Variants in RNMT observed in about 807,000 individuals in gnomAD.
RNMT encodes the protein RNA guanine-7 methyltransferase, also known as mRNA cap guanine-N(7) methyltransferase.
A neutral mutation model predicts 56.0 loss-of-function variants in RNMT; 27 were observed. That is an observed-to-expected ratio of 0.48 (90% CI 0.36 to 0.67). RNMT has a LOEUF of 0.67. RNMT is among the 30% of genes least tolerant of loss of function. The probability of loss-of-function intolerance (pLI) is 0.00; values close to 1 mark genes in which losing one functional copy is unlikely to be tolerated. For synonymous variants in RNMT, 184 were observed against 176.2 expected (o/e 1.04, Z -0.35); for missense variants, 519 against 552.1 (o/e 0.94, Z 0.60).
At chr18:13,759,881 CAG>C in intron 11 of RNMT, 59 bp from the exon 12 acceptor site, 2 of 1,435,478 alleles carry the variant, frequency 1.4e-6, no homozygotes, top group African/African-American at 1.4e-5. Flanking sequence ...ATGAACAAGA[CAG>C]ATTGTTTTAT....
Position 13,731,638 on chromosome 18 carries a change from A to C in RNMT, c.121A>C (p.Thr41Pro). The part of the protein sequence containing the change: ...NINENTTASG[T>P]GLSEKTSVCR... ...TAATGAAAACACAACAGCTTCTGGGACTGGGCTTTCTGAAAAGACTTCTGT... is the reference window on the plus strand; with the variant it reads ...TAATGAAAACACAACAGCTTCTGGGCCTGGGCTTTCTGAAAAGACTTCTGT... Residue 41 changes from threonine to proline, a missense_variant, in exon 3 of 12, where the codon ACT becomes CCT. Physicochemically the swap from Thr to Pro is conservative, Grantham distance 38. Transcript: ENST00000383314. The C allele has an allele frequency of 6.2e-7, 1 of 1,614,156 alleles. No homozygotes were observed. Among genetic ancestry groups the C allele is most frequent in the Non-Finnish European group, 8.5e-7 (1 of 1,180,014 alleles).
chr18:13,738,294 A>G (rs2044198050), intron 5 of RNMT, among the ~76,000 whole-genome samples: 1 of 152,194 alleles, frequency 6.6e-6, no homozygotes, highest in South Asian at 2.1e-4. Context: ...TTAGTTCATT[A>G]AAAGTAACAA....
intron 9 of RNMT, among the ~76,000 whole-genome samples, chr18:13,747,856 CTA>C (rs967179174): frequency 1.3e-4 from 20 of 152,252 alleles, no homozygotes; most frequent in African/African-American, 3.1e-4. Context: ...ACTAGCAAAA[CTA>C]TGTGTGGATA....
rs1598432142 is a variant in RNMT at position 13,760,044 on chromosome 18, G to T, written c.*65G>T. 1 of 1,571,492 alleles carries T rather than the reference G, an allele frequency of 6.4e-7. No homozygotes were observed. Among genetic ancestry groups the T allele is most frequent in the Non-Finnish European group, 8.6e-7 (1 of 1,157,444 alleles). Reference sequence around the variant, plus strand: ...TGCACAAATTTGAACAACTCATCTCGATATATTTGATATTTCTCTGTCTGT... The same window carrying T: ...TGCACAAATTTGAACAACTCATCTCTATATATTTGATATTTCTCTGTCTGT... On this transcript the variant is annotated 3_prime_UTR_variant, in exon 12 of 12. Transcript: ENST00000383314.
At position 13,762,028 on chromosome 18, in the gene RNMT, A is replaced by G. The variant is rs762398526; in HGVS notation, c.*2049A>G. ...ACACCTTGTCGTCTAAATGTTCGGT[A>G]TTCTATTCAGGACTTACGGTAACTA... On this transcript the variant is annotated 3_prime_UTR_variant, in exon 12 of 12. Transcript: ENST00000383314. The G allele has an allele frequency of 5.3e-5, 82 of 1,535,920 alleles. No individual in the cohort carries two copies. Among genetic ancestry groups the G allele is most frequent in the Non-Finnish European group, 6.8e-5 (78 of 1,146,844 alleles).
chr18:13,753,981 T>TTG, intron 10 of RNMT, 133 bp from the exon 11 acceptor site: 1 of 591,560 alleles, frequency 1.7e-6, no homozygotes, highest in Non-Finnish European at 3.0e-6. Context: ...CACAATATGA[T>TTG]TAACAGTGAA....
At chr18:13,736,696 A>T (rs557214794) in intron 4 of RNMT, among the ~76,000 whole-genome samples, 6 of 152,130 alleles carry the variant, frequency 3.9e-5, no homozygotes, top group Non-Finnish European at 8.8e-5. Flanking sequence ...CTCATCCTGA[A>T]CAAGTGTTGT....
chr18:13,732,085 T>C, intron 3 of RNMT, 151 bp downstream of exon 3: 1 of 549,838 alleles, frequency 1.8e-6, no homozygotes, highest in Non-Finnish European at 3.0e-6. Flanking sequence ...CTTTTAACTC[T>C]TATGATTTCT....
At chr18:13,737,293 A>G (rs1223704268) in intron 5 of RNMT, among the ~76,000 whole-genome samples, 158 bp downstream of exon 5, 4 of 152,122 alleles carry the variant, frequency 2.6e-5, no homozygotes, top group African/African-American at 9.7e-5. Context: ...CTGTAATCCA[A>G]CATTTTGGAA....
At chr18:13,748,822 G>A (rs949770593) in intron 9 of RNMT, among the ~76,000 whole-genome samples, 1 of 152,190 alleles carries the variant, frequency 6.6e-6, no homozygotes, top group African/African-American at 2.4e-5. Context: ...GCTCATGCCT[G>A]TAACCCCAGC....
rs951654365 is a variant in RNMT at position 13,762,360 on chromosome 18, C to T, written c.*2381C>T. The T allele has an allele frequency of 8.6e-6, 5 of 584,046 alleles. No individual in the cohort carries two copies. The highest frequency in any genetic ancestry group is 1.5e-5 in the Non-Finnish European group (5 of 336,210). The allele number at this position is 584,046 out of a possible 1,614,324, so 36.2% of individuals were successfully genotyped here. A position where few individuals can be genotyped will look rare whatever the true frequency, so the allele number is the denominator to read the frequency against. Reference sequence around the variant, plus strand: ...AGGAGCTGGCAGTTTTTAACCACTTCTGTGGGAGCCGTGTTCTAACCTGTG... The same window carrying T: ...AGGAGCTGGCAGTTTTTAACCACTTTTGTGGGAGCCGTGTTCTAACCTGTG... On this transcript the variant is annotated 3_prime_UTR_variant, in exon 12 of 12. Transcript: ENST00000383314.
intron 9 of RNMT, among the ~76,000 whole-genome samples, chr18:13,750,906 A>G (rs2044431908): frequency 6.6e-6 from 1 of 152,210 alleles, no homozygotes; most frequent in Non-Finnish European, 1.5e-5. Context: ...AAAACTGGCT[A>G]GCCATATGTA....
chr18:13,760,162 T>A lies in RNMT; in HGVS notation c.*183T>A. 7.6e-7 allele frequency: 1 copy of A among 1,324,176 alleles called. No homozygotes were observed. The highest frequency in any genetic ancestry group is 9.6e-7 in the Non-Finnish European group (1 of 1,037,858). 82.0% of individuals were successfully genotyped at this position (1,324,176 alleles called of 1,614,324 possible). ...TGTGACAGATGAACTTTTGCATGTG[T>A]ATATAAGAATGAGTTGGGACCTCTG... On this transcript the variant is annotated 3_prime_UTR_variant, in exon 12 of 12. Transcript: ENST00000383314.
At chr18:13,739,070 A>C (rs963313904) in intron 5 of RNMT, among the ~76,000 whole-genome samples, 1 of 152,110 alleles carries the variant, frequency 6.6e-6, no homozygotes, top group African/African-American at 2.4e-5. Context: ...CACTTTGTTC[A>C]TTTTCAAGAA....
rs150392396 is a variant in RNMT at position 13,762,207 on chromosome 18, C to T, written c.*2228C>T. ...CCTAACCAGCTATTGGTGGGAATGACGGAACTGGGGATTGCGATGATTGAT... is the reference window on the plus strand; with the variant it reads ...CCTAACCAGCTATTGGTGGGAATGATGGAACTGGGGATTGCGATGATTGAT... On this transcript the variant is annotated 3_prime_UTR_variant, in exon 12 of 12. Transcript: ENST00000383314. 2.9e-3 allele frequency: 4,268 copies of T among 1,486,572 alleles called. 217 individuals are homozygous for T. The Admixed American group carries it at 0.085, about 30-fold the overall frequency. 92.1% of individuals were successfully genotyped at this position (1,486,572 alleles called of 1,614,324 possible). A position where few individuals can be genotyped will look rare whatever the true frequency, so the allele number is the denominator to read the frequency against.
intron 4 of RNMT, among the ~76,000 whole-genome samples, chr18:13,735,743 G>A (rs938039988): frequency 2.0e-5 from 3 of 151,982 alleles, no homozygotes; most frequent in African/African-American, 7.2e-5. Context: ...TCAGAAAAGA[G>A]GTATTTTTTT....
chr18:13,734,809 A>G lies in RNMT; in HGVS notation c.553+210A>G, dbSNP rs1017001095. On this transcript the variant is annotated intron_variant, in intron 4 of 11. Coordinates refer to ENST00000383314, the MANE Select transcript of RNMT (RefSeq NM_003799.3). Reference sequence around the variant, plus strand: ...AATATTTTTTTTAATGCACAGAATTAAGGTTACCTAGTACTATTAAGTAAT... The same window carrying G: ...AATATTTTTTTTAATGCACAGAATTGAGGTTACCTAGTACTATTAAGTAAT... Among the ~76,000 whole-genome samples, 8 of 152,332 alleles carry G rather than the reference A, an allele frequency of 5.3e-5. No individual in the cohort carries two copies. The South Asian group carries it at 1.4e-3, about 28-fold the overall frequency.
At chr18:13,759,828 C>A in intron 11 of RNMT, 114 bp from the exon 12 acceptor site, 2 of 820,446 alleles carry the variant, frequency 2.4e-6, no homozygotes, top group South Asian at 1.6e-5. Context: ...GGGGATTTTC[C>A]TCTTCAGAAG....
At position 13,741,554 on chromosome 18, in the gene RNMT, C is replaced by T. The variant is rs1360540009; in HGVS notation, c.837C>T (p.Asp279=). Residue 279 remains aspartate (D), a synonymous_variant, in exon 7 of 12, where the codon GAC becomes GAT. Coordinates refer to ENST00000383314, the MANE Select transcript of RNMT (RefSeq NM_003799.3). ...DKFRDPQMCF[D]ICSCQFVCHY... ...TTCGTGACCCACAAATGTGTTTTGA[C>T]ATCTGCAGTTGTCAGTTTGTCTGTC... The T allele has an allele frequency of 1.2e-6, 2 of 1,613,672 alleles. No individual in the cohort carries two copies. The highest frequency in any genetic ancestry group is 1.7e-6 in the Non-Finnish European group (2 of 1,179,826).
Sources: gnomAD v4.1 joint callset for allele counts (sites outside exome capture counted in the v4.1 genomes callset) on GRCh38, gnomAD v4.1.1 for gene constraint, MANE v1.5 for transcripts, NCBI Gene and HGNC (gene_info 2026-07-23, HGNC 2026-07-21) for gene names.